PCLO: variants seen among roughly 807,000 people sequenced by gnomAD.
PCLO encodes the protein piccolo presynaptic cytomatrix protein.
In PCLO, 82 loss-of-function variants were observed where a neutral mutation model predicts 427.5. The observed-to-expected ratio is 0.19, with a 90% CI of 0.16 to 0.23. The LOEUF is 0.23. Among genes scored for constraint, PCLO ranks in the 10% least tolerant of loss-of-function variants. The pLI, the probability that PCLO is intolerant of heterozygous loss-of-function variation, is 1.00. For missense variants in PCLO, 6,239 were observed against 6,115.9 expected (o/e 1.02, Z -0.67); for synonymous variants, 2,357 against 2,155.4 (o/e 1.09, Z -2.59).
chr7:82,867,286 A>G (rs1479776561), intron 10 of PCLO, among the ~76,000 whole-genome samples: 1 of 152,142 alleles, frequency 6.6e-6, no homozygotes, highest in Admixed American at 6.6e-5. Context: ...CCTTTTTACT[A>G]CTTACAATAT....
chr7:82,805,587 T>C, intron 21 of PCLO, 101 bp downstream of exon 21: 1 of 1,101,674 alleles, frequency 9.1e-7, no homozygotes, highest in Non-Finnish European at 1.3e-6. Flanking sequence ...GGACAATGAC[T>C]CAGAATTGGG....
intron 3 of PCLO, among the ~76,000 whole-genome samples, chr7:83,089,140 C>T (rs906332780): frequency 1.0e-5 from 1 of 96,358 alleles, no homozygotes; most frequent in African/African-American, 6.7e-5. Context: ...TGTATGTTTA[C>T]ATACATACAT....
At chr7:83,088,934 T>C (rs561570358) in intron 3 of PCLO, among the ~76,000 whole-genome samples, 1 of 152,256 alleles carries the variant, frequency 6.6e-6, no homozygotes, top group South Asian at 2.1e-4. Flanking sequence ...TAGTGAAAAA[T>C]CCTTCAATAA....
Position 82,952,518 on chromosome 7 carries a change from C to T in PCLO, c.8435G>A (p.Ser2812Asn), listed in dbSNP as rs1795381643. Residue 2812 changes from serine (S) to asparagine (N), a missense_variant, in exon 5 of 25, where the codon AGC becomes AAC. Ser to Asn is a conservative substitution (Grantham distance 46). Transcript: ENST00000333891. ...ASASYTTGTE[S>N]LVGAEHAMTT... Reference sequence around the variant, plus strand: ...CATTGCATGTTCTGCACCCACTAGGCTTTCTGTGCCTGTAGTGTAACTTGC... The same window carrying T: ...CATTGCATGTTCTGCACCCACTAGGTTTTCTGTGCCTGTAGTGTAACTTGC... 1.9e-6 allele frequency: 3 copies of T among 1,613,808 alleles called. No individual in the cohort carries two copies. The highest frequency in any genetic ancestry group is 2.5e-6 in the Non-Finnish European group (3 of 1,179,866).
At chr7:83,036,392 TA>T (rs1022599050) in intron 3 of PCLO, among the ~76,000 whole-genome samples, 3 of 152,142 alleles carry the variant, frequency 2.0e-5, no homozygotes, top group Non-Finnish European at 2.9e-5. Context: ...ACTGTCTTAG[TA>T]AAGATTGCTA....
In PCLO at chr7:82,902,719, G is replaced by C. The variant is rs2116195613; in HGVS notation, c.13460C>G (p.Thr4487Ser). The C allele has an allele frequency of 6.3e-7, 1 of 1,594,200 alleles. No individual in the cohort carries two copies. Among genetic ancestry groups the C allele is most frequent in the East Asian group, 2.2e-5 (1 of 44,584 alleles). ...QEQIIQMNGK[T>S]MHYIFPHARI... The stretch of plus-strand genomic sequence containing the variant: ...TGCGTGAGGAAAGATGTAGTGCATA[G>C]TTTTCCCGTTCATCTGTATAATCTA... Residue 4487 changes from threonine to serine, a missense_variant, in exon 9 of 25, where the codon ACT becomes AGT. Thr to Ser is a moderately conservative substitution (Grantham distance 58). This residue lies in a region of PCLO where 877 missense variants were observed against 925.5 expected (regional missense o/e 0.95). Coordinates refer to ENST00000333891, the MANE Select transcript of PCLO (RefSeq NM_033026.6).
At chr7:83,023,817 A>G (rs1788406919) in intron 3 of PCLO, among the ~76,000 whole-genome samples, 1 of 152,178 alleles carries the variant, frequency 6.6e-6, no homozygotes, top group African/African-American at 2.4e-5. Context: ...TAACTCTCTA[A>G]ATTATTAATG....
intron 6 of PCLO, among the ~76,000 whole-genome samples, chr7:82,937,312 A>G (rs748995355): frequency 1.1e-4 from 17 of 149,668 alleles, no homozygotes; most frequent in Non-Finnish European, 2.2e-4. Flanking sequence ...TTTCATGGTA[A>G]TGCCTGTTAA....
At position 82,835,888 on chromosome 7, in the gene PCLO, T is replaced by C. The variant is rs115771478; in HGVS notation, c.14223-195A>G. On this transcript the variant is annotated intron_variant, in intron 15 of 24. Transcript: ENST00000333891. ...ATAATACCTTGCAAGTGTAATACAT[T>C]CCAAGGCCTTTGCTTGTCTAATAAT... Among the ~76,000 whole-genome samples the C allele has an allele frequency of 9.4e-3, 1,425 of 152,262 alleles. 30 individuals carry two copies. Among genetic ancestry groups the C allele is most frequent in the African/African-American group, 0.032 (1,341 of 41,558 alleles).
chr7:83,046,688 A>C (rs1789111084), intron 3 of PCLO, among the ~76,000 whole-genome samples: 5 of 152,060 alleles, frequency 3.3e-5, no homozygotes, highest in Admixed American at 3.3e-4. Context: ...ACCCCAAAAC[A>C]TTCCTTTTCT....
intron 9 of PCLO, among the ~76,000 whole-genome samples, chr7:82,881,015 G>A (rs1229827106): frequency 1.3e-5 from 2 of 152,102 alleles, no homozygotes; most frequent in East Asian, 3.9e-4. Context: ...TTCCCAGCAA[G>A]TCCATATCAG....
chr7:82,966,448 C>T lies in PCLO; in HGVS notation c.3340G>A (p.Ala1114Thr). The T allele has an allele frequency of 1.3e-6, 2 of 1,591,560 alleles. No homozygotes were observed. Among genetic ancestry groups the T allele is most frequent in the Non-Finnish European group, 1.7e-6 (2 of 1,173,048 alleles). The change falls in exon 4 of 25, where the codon GCA (alanine) becomes ACA (threonine). Residue 1114 changes from alanine (A) to threonine (T), a missense_variant. Physicochemically the swap from Ala to Thr is moderately conservative, Grantham distance 58 (BLOSUM62 0). This residue lies in a region of PCLO where 4,677 missense variants were observed against 4,468.4 expected (regional missense o/e 1.05). Coordinates refer to ENST00000333891, the MANE Select transcript of PCLO (RefSeq NM_033026.6). ...WLCLNCQTQR[A>T]ISGQLGDIRK... is the part of the protein sequence containing the mutation. ...ATGTCTCCAAGCTGTCCTGATATTG[C>T]TCTCTGGGTTTGGCAATTTAAACAA...
chr7:83,130,163 A>G (rs546077990), intron 3 of PCLO, among the ~76,000 whole-genome samples: 19 of 151,634 alleles, frequency 1.3e-4, no homozygotes, highest in East Asian at 1.9e-4. Context: ...TGTTGTTGTT[A>G]TTATTTGAGA....
chr7:83,063,415 T>A (rs1267418127), intron 3 of PCLO, among the ~76,000 whole-genome samples: 2 of 152,100 alleles, frequency 1.3e-5, no homozygotes, highest in African/African-American at 4.8e-5. Context: ...TGGTGCCATA[T>A]GCATTCAATA....
In PCLO at chr7:82,754,707, A is replaced by C. The variant is rs1455073010; in HGVS notation, c.*3868T>G. 1 of 152,034 alleles carries C rather than the reference A, an allele frequency of 6.6e-6. No individual in the cohort carries two copies. Among genetic ancestry groups the C allele is most frequent in the Non-Finnish European group, 1.5e-5 (1 of 67,954 alleles). 9.4% of individuals were successfully genotyped at this position (152,034 alleles called of 1,614,324 possible). On this transcript the variant is annotated 3_prime_UTR_variant, in exon 25 of 25. Coordinates refer to ENST00000333891, the MANE Select transcript of PCLO (RefSeq NM_033026.6). Reference sequence around the variant, plus strand: ...GAACATGAAACATACAGAAAACAGCATTGTATCATATTCAATGAGAATATT... The same window carrying C: ...GAACATGAAACATACAGAAAACAGCCTTGTATCATATTCAATGAGAATATT...
At chr7:83,100,305 A>T (rs2116484093) in intron 3 of PCLO, among the ~76,000 whole-genome samples, 1 of 152,316 alleles carries the variant, frequency 6.6e-6, no homozygotes, top group Non-Finnish European at 1.5e-5. Context: ...CAATGTCATT[A>T]CTGGGAATAT....
At chr7:82,837,460 T>C (rs148688240) in intron 15 of PCLO, among the ~76,000 whole-genome samples, 7 of 152,204 alleles carry the variant, frequency 4.6e-5, no homozygotes, top group African/African-American at 1.7e-4. Flanking sequence ...TGATCTTATG[T>C]TTCCATCTTG....
intron 22 of PCLO, among the ~76,000 whole-genome samples, chr7:82,773,586 T>G (rs553936743): frequency 6.6e-6 from 1 of 152,324 alleles, no homozygotes; most frequent in African/African-American, 2.4e-5. Flanking sequence ...AATATTTTAC[T>G]GTTCCATTCT....
chr7:82,783,423 G>A (rs1398464381), intron 22 of PCLO, among the ~76,000 whole-genome samples: 2 of 152,126 alleles, frequency 1.3e-5, no homozygotes, highest in African/African-American at 2.4e-5. Context: ...GACCATCCCG[G>A]CTAACACGGT....
Sources: allele counts gnomAD v4.1 joint callset (sites outside exome capture counted in the v4.1 genomes callset), GRCh38; gene constraint gnomAD v4.1.1; regional missense constraint gnomAD v4.1.1; transcripts MANE v1.5; gene names NCBI Gene and HGNC (gene_info 2026-07-23, HGNC 2026-07-21).